Variants in DDO observed in about 807,000 individuals in gnomAD.
The protein encoded by DDO is D-aspartate oxidase.
In DDO, 16 loss-of-function variants were observed where a neutral mutation model predicts 16.8. That is an observed-to-expected ratio of 0.95 (90% CI 0.65 to 1.45). DDO has a LOEUF of 1.45. Among genes scored for constraint, DDO ranks in the 40% most tolerant of loss-of-function variants. DDO has a pLI of 0.00. For synonymous variants in DDO, 180 were observed against 167.2 expected (o/e 1.08, Z -0.59); for missense variants, 429 against 420.3 (o/e 1.02, Z -0.18).
intron 4 of DDO, among the ~76,000 whole-genome samples, chr6:110,404,176 C>CT (rs1773571145): frequency 6.6e-6 from 1 of 152,146 alleles, no homozygotes; most frequent in Admixed American, 6.5e-5. Flanking sequence ...TAACTGGAAG[C>CT]TAAGTACTAG....
chr6:110,405,124 C>T (rs1388532380), intron 3 of DDO, among the ~76,000 whole-genome samples, 174 bp from the exon 4 acceptor site: 3 of 152,214 alleles, frequency 2.0e-5, no homozygotes, highest in African/African-American at 7.2e-5. Context: ...GCAGCCTCAA[C>T]TTCTGGGGCT....
At chr6:110,400,342 C>CGGGG (rs1181615848) in intron 4 of DDO, among the ~76,000 whole-genome samples, 3 of 76,986 alleles carry the variant, frequency 3.9e-5, no homozygotes, top group South Asian at 3.6e-4. Context: ...CAGGAGCGGG[C>CGGGG]CGGGGCGGGG....
intron 4 of DDO, among the ~76,000 whole-genome samples, chr6:110,393,943 G>A (rs1377638052): frequency 6.6e-6 from 1 of 152,004 alleles, no homozygotes; most frequent in African/African-American, 2.4e-5. Flanking sequence ...GAAAAGAAAT[G>A]GTTTATCCAG....
At chr6:110,400,873 G>T (rs1424897365) in intron 4 of DDO, among the ~76,000 whole-genome samples, 2 of 152,210 alleles carry the variant, frequency 1.3e-5, no homozygotes, top group African/African-American at 4.8e-5. Flanking sequence ...CCCTTCTCCA[G>T]CCATGCTTTC....
chr6:110,405,721 G>A (rs1205311508), intron 3 of DDO, among the ~76,000 whole-genome samples: 2 of 152,116 alleles, frequency 1.3e-5, no homozygotes, highest in African/African-American at 2.4e-5. Context: ...TGGGCAACAA[G>A]GTGAAACCCT....
At chr6:110,389,563 C>A (rs1004496456), downstream of DDO, among the ~76,000 whole-genome samples, 2 of 152,134 alleles carry the variant, frequency 1.3e-5, no homozygotes, top group African/African-American at 4.8e-5. Flanking sequence ...GAAAGCTTCA[C>A]AACAGAAAAA....
chr6:110,413,485 G>C lies in DDO; in HGVS notation c.-4-19C>G, dbSNP rs772553760. ...CATGAGCCTGTGAGGAGGGAAATGG[G>C]AGCTATACCCCTTGTTTTAAGGATT... On this transcript the variant is annotated intron_variant, in intron 1 of 4. Transcript: ENST00000368924. The C allele has an allele frequency of 1.9e-6, 3 of 1,606,986 alleles. No homozygotes were observed. In the South Asian group the frequency reaches 3.3e-5, roughly 18 times the overall value.
At chr6:110,403,931 A>C (rs1324543597) in intron 4 of DDO, among the ~76,000 whole-genome samples, 1 of 152,250 alleles carries the variant, frequency 6.6e-6, no homozygotes, top group African/African-American at 2.4e-5. Context: ...GAATTATATG[A>C]ATCAATTATC....
intron 2 of DDO, among the ~76,000 whole-genome samples, chr6:110,408,779 C>A (rs1267841954): frequency 2.6e-5 from 4 of 152,206 alleles, no homozygotes; most frequent in Non-Finnish European, 5.9e-5. Flanking sequence ...GGTCTATAAC[C>A]AACCTGAGCA....
rs148085221 is a variant in DDO, at chr6:110,392,805, G to A, written c.996C>T (p.Leu332=). The change falls in exon 5 of 5, where the codon CTC becomes CTT. Residue 332 remains leucine (L), a synonymous_variant. Transcript: ENST00000368924. Reference sequence around the variant, plus strand: ...GGTTTGACTTGGGAATGGGGGTCCTGAGGGCATGGACACACTCGCTCACCA... The same window carrying A: ...GGTTTGACTTGGGAATGGGGGTCCTAAGGGCATGGACACACTCGCTCACCA... ...ARLVSECVHA[L]RTPIPKSNL The A allele has an allele frequency of 2.4e-3, 3,834 of 1,580,738 alleles. 9 individuals carry two copies. Among genetic ancestry groups the A allele is most frequent in the Non-Finnish European group, 3.2e-3 (3,663 of 1,162,420 alleles).
intron 4 of DDO, among the ~76,000 whole-genome samples, chr6:110,399,882 A>C (rs1034276211): frequency 1.6e-4 from 25 of 152,206 alleles, no homozygotes; most frequent in Non-Finnish European, 2.8e-4. Flanking sequence ...CACGCGTATC[A>C]AACAAACGGA....
intron 4 of DDO, among the ~76,000 whole-genome samples, chr6:110,400,064 G>A (rs1253297248): frequency 2.0e-5 from 3 of 152,154 alleles, no homozygotes; most frequent in Admixed American, 1.3e-4. Context: ...CCCTGGCTGG[G>A]GGTCATTTTA....
At chr6:110,396,216 C>A (rs1773286760) in intron 4 of DDO, among the ~76,000 whole-genome samples, 1 of 152,234 alleles carries the variant, frequency 6.6e-6, no homozygotes, top group Non-Finnish European at 1.5e-5. Flanking sequence ...GAAGGTCAAG[C>A]TGCTGGGCAG....
intron 1 of DDO, 143 bp downstream of exon 1, chr6:110,415,324 G>A: frequency 1.8e-6 from 2 of 1,088,664 alleles, no homozygotes; most frequent in East Asian, 5.3e-5. Context: ...CCAGCTGCCA[G>A]GGAGGAGGAG....
At chr6:110,400,416 C>T (rs1007958670) in intron 4 of DDO, among the ~76,000 whole-genome samples, 1 of 151,584 alleles carries the variant, frequency 6.6e-6, no homozygotes, top group African/African-American at 2.4e-5. Context: ...ACGCTGCCCA[C>T]GAGGCAGGGC....
chr6:110,405,145 T>A (rs1773606989), intron 3 of DDO, among the ~76,000 whole-genome samples, 195 bp from the exon 4 acceptor site: 1 of 152,130 alleles, frequency 6.6e-6, no homozygotes, highest in African/African-American at 2.4e-5. Context: ...CAGGCAATCC[T>A]CCCACCTCAG....
At chr6:110,398,153 C>T (rs2114814824) in intron 4 of DDO, among the ~76,000 whole-genome samples, 1 of 152,192 alleles carries the variant, frequency 6.6e-6, no homozygotes, top group East Asian at 1.9e-4. Flanking sequence ...AAGCAGGGCT[C>T]ACGAAATAGC....
At chr6:110,412,502 A>C (rs145780863) in intron 2 of DDO, among the ~76,000 whole-genome samples, 1 of 152,298 alleles carries the variant, frequency 6.6e-6, no homozygotes, top group Non-Finnish European at 1.5e-5. Context: ...GGAACTATAG[A>C]ATCACACTTT....
intron 4 of DDO, among the ~76,000 whole-genome samples, chr6:110,395,016 T>C (rs533706004): frequency 1.3e-5 from 2 of 152,322 alleles, no homozygotes; most frequent in East Asian, 3.9e-4. Flanking sequence ...TAGCCAATAC[T>C]AAAGACAATA....
Sources: allele counts gnomAD v4.1 joint callset (sites outside exome capture counted in the v4.1 genomes callset), GRCh38; gene constraint gnomAD v4.1.1; transcripts MANE v1.5; gene names NCBI Gene and HGNC (gene_info 2026-07-23, HGNC 2026-07-21).